The following RNF214 variants were observed in gnomAD, a reference collection of about 807,000 sequenced individuals.
RNF214 encodes the protein ring finger protein 214.
Under a neutral mutation model 75.9 loss-of-function variants are expected in RNF214, and 25 were observed. The observed-to-expected ratio is 0.33, with a 90% CI of 0.24 to 0.46. The LOEUF is 0.46. Among genes scored for constraint, RNF214 ranks in the 20% least tolerant of loss-of-function variants. RNF214 has a pLI of 1.00. For synonymous variants in RNF214, 314 were observed against 308.8 expected (o/e 1.02, Z -0.18); for missense variants, 725 against 857.5 (o/e 0.85, Z 1.93).
Position 117,282,434 on chromosome 11 carries a change from C to T in RNF214, c.1743C>T (p.Ile581=), listed in dbSNP as rs1255913377. The change falls in exon 12 of 15, where the codon ATC becomes ATT. Residue 581 remains isoleucine (I), a synonymous_variant. Coordinates refer to ENST00000300650, the MANE Select transcript of RNF214 (RefSeq NM_207343.4). ...AGATGACCAACATTCTTCAGCAGAT[C>T]AAGACAGCACGTACCACCATGGCAG... The part of the protein sequence containing the change: ...KAQMTNILQQ[I]KTARTTMAGL... 2 of 1,614,136 alleles carry T rather than the reference C, an allele frequency of 1.2e-6. No individual in the cohort carries two copies. The highest frequency in any genetic ancestry group is 2.2e-5 in the South Asian group (2 of 91,078).
chr11:117,238,288 C>G (rs977247407), intron 2 of RNF214, among the ~76,000 whole-genome samples: 1 of 152,132 alleles, frequency 6.6e-6, no homozygotes, highest in African/African-American at 2.4e-5. Context: ...TGCCTGTAGT[C>G]CTAGTTACTC....
chr11:117,241,441 G>T (rs982089385), intron 4 of RNF214, among the ~76,000 whole-genome samples: 1 of 152,056 alleles, frequency 6.6e-6, no homozygotes, highest in African/African-American at 2.4e-5. Flanking sequence ...TTAGCTGGGT[G>T]TGGTGGCGCA....
intron 3 of RNF214, chr11:117,239,493 G>T: frequency 2.2e-6 from 1 of 458,576 alleles, no homozygotes; most frequent in Non-Finnish European, 3.9e-6. Flanking sequence ...TTCTAGTGAC[G>T]GGTGTGCTTT....
At chr11:117,237,571 T>G (rs2032944644) in intron 2 of RNF214, among the ~76,000 whole-genome samples, 1 of 152,144 alleles carries the variant, frequency 6.6e-6, no homozygotes, top group African/African-American at 2.4e-5. Flanking sequence ...CAATTGTGAA[T>G]GTTGGATGTC....
In RNF214 at chr11:117,282,205, C is replaced by T; in HGVS notation, c.1647C>T (p.Pro549=). ...GVKASAETPR[P]QPVDKLEKIL... Reference sequence around the variant, plus strand: ...AGGCTTCTGCTGAAACTCCCCGGCCCCAACCAGTAGACAAACTGGAGAAGA... The same window carrying T: ...AGGCTTCTGCTGAAACTCCCCGGCCTCAACCAGTAGACAAACTGGAGAAGA... The change falls in exon 11 of 15, where the codon CCC becomes CCT. Residue 549 remains proline (P), a synonymous_variant. Transcript: ENST00000300650. The T allele has an allele frequency of 1.2e-6, 2 of 1,612,820 alleles. No homozygotes were observed. The highest frequency in any genetic ancestry group is 1.1e-5 in the South Asian group (1 of 90,946).
chr11:117,235,926 A>G (rs2032895077), intron 2 of RNF214, among the ~76,000 whole-genome samples: 1 of 151,732 alleles, frequency 6.6e-6, no homozygotes, highest in Admixed American at 6.6e-5. Context: ...TGTGGACCAC[A>G]TTCTACATAA....
At chr11:117,240,384 TAAAAAAAAAAA>T (rs372718608) in intron 4 of RNF214, among the ~76,000 whole-genome samples, 14 of 61,722 alleles carry the variant, frequency 2.3e-4, no homozygotes, top group Non-Finnish European at 3.7e-4. Flanking sequence ...CAAAAAAAAT[TAAAAAAAAAAA>T]AAAAAAAAAA....
intron 6 of RNF214, among the ~76,000 whole-genome samples, chr11:117,247,506 T>A (rs1057161996): frequency 1.4e-4 from 21 of 151,534 alleles, no homozygotes; most frequent in African/African-American, 3.6e-4. Context: ...TAAAAAAAAA[T>A]TTTTTTTATA....
At chr11:117,235,829 G>A (rs2032891665) in intron 2 of RNF214, among the ~76,000 whole-genome samples, 1 of 152,164 alleles carries the variant, frequency 6.6e-6, no homozygotes, top group African/African-American at 2.4e-5. Context: ...GATGTATAGT[G>A]ATCAGATCAG....
chr11:117,261,781 G>A (rs563726650), intron 6 of RNF214, among the ~76,000 whole-genome samples: 34 of 151,670 alleles, frequency 2.2e-4, no homozygotes, highest in Non-Finnish European at 3.4e-4. Flanking sequence ...GAGTAGCTGG[G>A]ATTACTGGTG....
At chr11:117,250,679 T>A (rs1399890457) in intron 6 of RNF214, among the ~76,000 whole-genome samples, 1 of 144,160 alleles carries the variant, frequency 6.9e-6, no homozygotes, top group Non-Finnish European at 1.5e-5. Context: ...TTTGGCAGGG[T>A]CACAGGACAA....
chr11:117,262,838 G>A (rs1382917713), intron 6 of RNF214, among the ~76,000 whole-genome samples: 1 of 152,022 alleles, frequency 6.6e-6, no homozygotes, highest in Non-Finnish European at 1.5e-5. Context: ...GAGACAGGGT[G>A]TTGCTCTGCC....
intron 2 of RNF214, among the ~76,000 whole-genome samples, chr11:117,236,447 G>T (rs922159352): frequency 6.6e-6 from 1 of 151,846 alleles, no homozygotes; most frequent in Non-Finnish European, 1.5e-5. Context: ...CTAATTTTTT[G>T]TATTTTAGTA....
At chr11:117,252,791 A>T (rs559072744) in intron 6 of RNF214, among the ~76,000 whole-genome samples, 3 of 152,136 alleles carry the variant, frequency 2.0e-5, no homozygotes, top group Non-Finnish European at 2.9e-5. Flanking sequence ...AAGTGCTGGG[A>T]TTACAGGCAT....
chr11:117,239,230 T>G, intron 3 of RNF214, 119 bp downstream of exon 3: 1 of 1,020,854 alleles, frequency 9.8e-7, no homozygotes, highest in Non-Finnish European at 1.4e-6. Context: ...TTGTTTTTTT[T>G]GCTAGCAACC....
Position 117,238,973 on chromosome 11 carries a change from A to G in RNF214, c.480A>G (p.Leu160=), listed in dbSNP as rs201865833. ...SEEKSPQTSI[L]KEGNRDTSLD... ...AGAAATCCCCACAAACCTCCATCCT[A>G]AAGGAAGGTAACAGGGACACAAGCT... is the stretch of plus-strand genomic sequence containing the variant. The change falls in exon 3 of 15, where the codon CTA becomes CTG. Residue 160 remains leucine, a synonymous_variant. Transcript: ENST00000300650. 109 of 1,614,130 alleles carry G rather than the reference A, an allele frequency of 6.8e-5. 1 individual carries two copies. In the East Asian group the frequency reaches 2.4e-3, roughly 35 times the overall value.
rs2033018422 is a variant in RNF214, at chr11:117,239,701, TAAAAA to T, written c.619-99_619-95del. On this transcript the variant is annotated intron_variant, in intron 3 of 14. Coordinates refer to ENST00000300650, the MANE Select transcript of RNF214 (RefSeq NM_207343.4). ...CTTGGAAGCTGGTAAGGGGAAAGAG[TAAAAA>T]GTTAGTTACCTGTGGCGGAATTCTA... 2.9e-5 allele frequency: 21 copies of T among 716,604 alleles called. No individual in the cohort carries two copies. In the South Asian group the frequency reaches 3.1e-4, roughly 10 times the overall value. 44.4% of individuals were successfully genotyped at this position (716,604 alleles called of 1,614,324 possible).
chr11:117,248,368 G>A (rs183480997), intron 6 of RNF214, among the ~76,000 whole-genome samples: 29 of 152,314 alleles, frequency 1.9e-4, no homozygotes, highest in Non-Finnish European at 3.8e-4. Flanking sequence ...GAGCCACCGC[G>A]CCCAGCCAAT....
rs573478927 is a variant in RNF214 at position 117,256,372 on chromosome 11, T to A, written c.959+9424T>A. Among the ~76,000 whole-genome samples, 7 of 152,322 alleles carry A rather than the reference T, an allele frequency of 4.6e-5. No homozygotes were observed. In the South Asian group the frequency reaches 1.5e-3, roughly 32 times the overall value. ...GTATTTTATTATTTCTCACAATTCT[T>A]TGGGTGGATTGCTTCTCAGATGGAT... On this transcript the variant is annotated intron_variant, in intron 6 of 14. Coordinates refer to ENST00000300650, the MANE Select transcript of RNF214 (RefSeq NM_207343.4).
Sources: gnomAD v4.1 joint callset for allele counts (sites outside exome capture counted in the v4.1 genomes callset) on GRCh38, gnomAD v4.1.1 for gene constraint, MANE v1.5 for transcripts, NCBI Gene and HGNC (gene_info 2026-07-23, HGNC 2026-07-21) for gene names.